LPIN1: variants seen among roughly 807,000 people sequenced by gnomAD.
LPIN1 encodes phosphatidate phosphatase LPIN1.
A neutral mutation model predicts 107.5 loss-of-function variants in LPIN1; 71 were observed. That is an observed-to-expected ratio of 0.66 (90% CI 0.55 to 0.80). The LOEUF (loss-of-function observed/expected upper bound fraction) is 0.80. Among genes scored for constraint, LPIN1 ranks in the 30% least tolerant of loss-of-function variants. The pLI is 0.00. For synonymous variants in LPIN1, 445 were observed against 452.6 expected (o/e 0.98, Z 0.21); for missense variants, 1,043 against 1,160.6 (o/e 0.90, Z 1.47).
Position 11,785,006 on chromosome 2 carries a change from G to C in LPIN1, c.1479G>C (p.Gly493=). 4 of 1,611,972 alleles carry C rather than the reference G, an allele frequency of 2.5e-6. No individual in the cohort carries two copies. The highest frequency in any genetic ancestry group is 3.4e-6 in the Non-Finnish European group (4 of 1,178,736). ...VDSGVESTSD[G]LRDLPSIAIS... ...GTGGCGTGGAGAGCACCTCGGACGG[G>C]CTGAGGGACCTCCCTTCCATCGCCA... is the stretch of plus-strand genomic sequence containing the variant. The change falls in exon 10 of 21, where the codon GGG becomes GGC. Residue 493 remains glycine, a synonymous_variant. Transcript: ENST00000674199.
At chr2:11,686,532 T>C (rs1408252943) in intron 1 of LPIN1, among the ~76,000 whole-genome samples, 1 of 152,154 alleles carries the variant, frequency 6.6e-6, no homozygotes, top group African/African-American at 2.4e-5. Context: ...GTATTGGCCC[T>C]GGACAGAGGT....
chr2:11,713,005 G>A (rs927017701), intron 1 of LPIN1, among the ~76,000 whole-genome samples: 13 of 152,202 alleles, frequency 8.5e-5, no homozygotes, highest in African/African-American at 3.1e-4. Context: ...TGGCAGGGCA[G>A]GGGTTATTGT....
At chr2:11,749,714 G>C (rs528278835) in intron 1 of LPIN1, among the ~76,000 whole-genome samples, 2 of 152,314 alleles carry the variant, frequency 1.3e-5, no homozygotes, top group African/African-American at 4.8e-5. Context: ...TGCAGGGCGC[G>C]TTGTGCCGCT....
chr2:11,759,132 C>CTT (rs146035362), intron 1 of LPIN1, among the ~76,000 whole-genome samples: 9 of 121,438 alleles, frequency 7.4e-5, no homozygotes, highest in Admixed American at 3.1e-4. Flanking sequence ...TGCTTTCTTT[C>CTT]TTTTCTTTCT....
intron 1 of LPIN1, among the ~76,000 whole-genome samples, chr2:11,694,528 G>T (rs186663779): frequency 3.9e-5 from 6 of 152,302 alleles, no homozygotes; most frequent in Non-Finnish European, 8.8e-5. Flanking sequence ...TGCAAATCCT[G>T]GGCTGGTTTC....
At chr2:11,702,399 T>C (rs1289245090) in intron 1 of LPIN1, among the ~76,000 whole-genome samples, 1 of 152,068 alleles carries the variant, frequency 6.6e-6, no homozygotes, top group Non-Finnish European at 1.5e-5. Context: ...AAAGAGGTGA[T>C]TGGGGTCTGG....
intron 18 of LPIN1, among the ~76,000 whole-genome samples, chr2:11,815,497 C>T (rs139762021): frequency 3.3e-5 from 5 of 152,242 alleles, no homozygotes; most frequent in Admixed American, 6.5e-5. Flanking sequence ...CCTCTCCAGG[C>T]GTGTTTCTCT....
At chr2:11,696,445 C>T (rs1311797385) in intron 1 of LPIN1, among the ~76,000 whole-genome samples, 1 of 152,086 alleles carries the variant, frequency 6.6e-6, no homozygotes, top group African/African-American at 2.4e-5. Context: ...TATATATTCA[C>T]CTCTAGTCCA....
intron 1 of LPIN1, among the ~76,000 whole-genome samples, chr2:11,686,671 G>C (rs1662021087): frequency 6.6e-6 from 1 of 152,114 alleles, no homozygotes. Context: ...TCATGCGAGC[G>C]AGCAACGAGA....
At position 11,791,807 on chromosome 2, in the gene LPIN1, T is replaced by A. The variant is rs1468688965; in HGVS notation, c.1714-107T>A. The A allele has an allele frequency of 2.6e-6, 4 of 1,521,594 alleles. No individual in the cohort carries two copies. The East Asian group carries it at 1.0e-4, about 38-fold the overall frequency. 94.3% of individuals were successfully genotyped at this position (1,521,594 alleles called of 1,614,324 possible). A position where few individuals can be genotyped will look rare whatever the true frequency, so the allele number is the denominator to read the frequency against. ...AATAGTATGTTGTGTTTTCTCTGAT[T>A]TTTTTTTAAATCTTACTTTAATTTG... On this transcript the variant is annotated intron_variant, in intron 12 of 20. Transcript: ENST00000674199.
In LPIN1 at chr2:11,773,577, C is replaced by T. The variant is rs751951394; in HGVS notation, c.597-43C>T. 3.8e-6 allele frequency: 6 copies of T among 1,562,538 alleles called. No individual in the cohort carries two copies. In the South Asian group the frequency reaches 6.7e-5, roughly 17 times the overall value. ...AATTGGAACTTGATTATGAATCTAT[C>T]ATTAAGAATTCTTTGACTTTAATCT... On this transcript the variant is annotated intron_variant, in intron 4 of 20. Coordinates refer to ENST00000674199, the MANE Select transcript of LPIN1 (RefSeq NM_001349206.2).
At chr2:11,775,164 C>T (rs961501611) in intron 5 of LPIN1, among the ~76,000 whole-genome samples, 8 of 152,144 alleles carry the variant, frequency 5.3e-5, no homozygotes, top group African/African-American at 1.4e-4. Context: ...GGACAAGCCA[C>T]GTTTCAAGTG....
At chr2:11,761,182 G>T (rs1669768402) in intron 1 of LPIN1, among the ~76,000 whole-genome samples, 1 of 151,796 alleles carries the variant, frequency 6.6e-6, no homozygotes, top group Admixed American at 6.5e-5. Flanking sequence ...GAGTTAGAGG[G>T]TTACCTCTCT....
At chr2:11,821,230 T>TG (rs11439949) in intron 20 of LPIN1, among the ~76,000 whole-genome samples, 6,035 of 152,248 alleles carry the variant, frequency 0.04, 389 homozygotes, top group African/African-American at 0.13. Context: ...AAAGAGCCTC[T>TG]GGCAGGCCAG....
At chr2:11,781,027 GTTA>G (rs1457909078) in intron 7 of LPIN1, among the ~76,000 whole-genome samples, 1 of 152,160 alleles carries the variant, frequency 6.6e-6, no homozygotes, top group Non-Finnish European at 1.5e-5. Flanking sequence ...CTTGAATTAT[GTTA>G]TTATATCACA....
chr2:11,705,011 A>G (rs1395325424), intron 1 of LPIN1, among the ~76,000 whole-genome samples: 1 of 152,240 alleles, frequency 6.6e-6, no homozygotes, highest in Non-Finnish European at 1.5e-5. Context: ...TCCACTGGTT[A>G]CCGGCCACAG....
chr2:11,808,562 A>G (rs984208879), intron 17 of LPIN1, among the ~76,000 whole-genome samples: 2 of 152,130 alleles, frequency 1.3e-5, no homozygotes, highest in African/African-American at 4.8e-5. Flanking sequence ...TATGCACTGT[A>G]GTATTTGTCT....
At chr2:11,752,014 A>T (rs1299461266) in intron 1 of LPIN1, among the ~76,000 whole-genome samples, 1 of 152,186 alleles carries the variant, frequency 6.6e-6, no homozygotes, top group Non-Finnish European at 1.5e-5. Flanking sequence ...TACAATGTGG[A>T]TGGCCCATAA....
intron 1 of LPIN1, among the ~76,000 whole-genome samples, chr2:11,759,853 G>A (rs1204844487): frequency 6.7e-6 from 1 of 149,534 alleles, no homozygotes; most frequent in African/African-American, 2.5e-5. Flanking sequence ...GGCTGGCCGG[G>A]CGGGGGCTGC....
Sources: gnomAD v4.1 joint callset for allele counts (sites outside exome capture counted in the v4.1 genomes callset) on GRCh38, gnomAD v4.1.1 for gene constraint, MANE v1.5 for transcripts, NCBI Gene and HGNC (gene_info 2026-07-23, HGNC 2026-07-21) for gene names.